Variants in CAMKK2 observed in about 807,000 individuals in gnomAD.
The protein encoded by CAMKK2 is calcium/calmodulin dependent protein kinase kinase 2, also known as calcium/calmodulin-dependent protein kinase kinase 2.
CAMKK2 carries 30 observed loss-of-function variants against 67.2 expected under a neutral mutation model. The ratio of observed to expected loss-of-function variants is 0.45; its 90% CI spans 0.33 to 0.61. The LOEUF (loss-of-function observed/expected upper bound fraction) is 0.61. Among genes scored for constraint, CAMKK2 ranks in the 20% least tolerant of loss-of-function variants. CAMKK2 has a pLI of 0.02. For missense variants in CAMKK2, 643 were observed against 802.0 expected, an observed-to-expected ratio of 0.80 and a Z score of 2.39; for synonymous variants, 322 against 326.2, an observed-to-expected ratio of 0.99 and a Z score of 0.14.
intron 11 of CAMKK2, among the ~76,000 whole-genome samples, chr12:121,252,354 C>T (rs887562587): frequency 4.6e-5 from 7 of 152,210 alleles, no homozygotes; most frequent in Non-Finnish European, 5.9e-5. Flanking sequence ...CTGCAAGCTC[C>T]GCCTCCTGGG....
At chr12:121,241,227 C>T (rs1888308352) in intron 16 of CAMKK2, among the ~76,000 whole-genome samples, 1 of 152,206 alleles carries the variant, frequency 6.6e-6, no homozygotes, top group Non-Finnish European at 1.5e-5. Flanking sequence ...TTAGGTACTT[C>T]GATCCCCCAC....
chr12:121,268,083 C>CATATATATATAT (rs71850101), intron 5 of CAMKK2, among the ~76,000 whole-genome samples: 973 of 96,972 alleles, frequency 0.01, 69 homozygotes, highest in African/African-American at 0.02. Flanking sequence ...CCATTGGATG[C>CATATATATATAT]ATATATATAT....
intron 11 of CAMKK2, among the ~76,000 whole-genome samples, chr12:121,251,458 A>T (rs561972526): frequency 3.9e-5 from 6 of 152,318 alleles, no homozygotes; most frequent in African/African-American, 1.4e-4. Context: ...TTCCTCAATA[A>T]GAACACAAGC....
rs187382968 is a variant in CAMKK2 at position 121,269,686 on chromosome 12, G to A, written c.520-105C>T. On this transcript the variant is annotated intron_variant, in intron 3 of 16. Transcript: ENST00000404169. Reference sequence around the variant, plus strand: ...AACCGGCAGCCCATTGGTCAAATCTGTCCCGCAACTGTATTTTGTTGGAGC... The same window carrying A: ...AACCGGCAGCCCATTGGTCAAATCTATCCCGCAACTGTATTTTGTTGGAGC... The A allele has an allele frequency of 7.6e-5, 62 of 819,754 alleles. No homozygotes were observed. The African/African-American group carries it at 1.0e-3, about 14-fold the overall frequency. 50.8% of individuals were successfully genotyped at this position (819,754 alleles called of 1,614,324 possible).
rs1029358579 is a variant in CAMKK2 at position 121,296,435 on chromosome 12, G to A, written c.-60+203C>T. Reference sequence around the variant, plus strand: ...GGGCGCCCAGAGGACGCGGGGGAAGGGCTGTCGGGGACCGTGTCCCTCCAC... The same window carrying A: ...GGGCGCCCAGAGGACGCGGGGGAAGAGCTGTCGGGGACCGTGTCCCTCCAC... On this transcript the variant is annotated intron_variant, in intron 1 of 16. Transcript: ENST00000404169. This position sits in a 1 kb window ranked among gnomAD's most constrained non-coding sequence, Gnocchi z 7.1. 5.9e-5 allele frequency among the ~76,000 whole-genome samples: 9 copies of A among 152,168 alleles called. No individual in the cohort carries two copies. Among genetic ancestry groups the A allele is most frequent in the Admixed American group, 2.0e-4 (3 of 15,294 alleles).
chr12:121,274,256 G>T lies in CAMKK2; in HGVS notation c.271C>A (p.Arg91=). The T allele has an allele frequency of 6.2e-7, 1 of 1,611,018 alleles. No homozygotes were observed. The highest frequency in any genetic ancestry group is 8.5e-7 in the Non-Finnish European group (1 of 1,178,224). Residue 91 remains arginine, a synonymous_variant, in exon 2 of 17, where the codon CGG becomes AGG. Coordinates refer to ENST00000404169, the MANE Select transcript of CAMKK2 (RefSeq NM_001270485.2). The part of the protein sequence containing the change: ...VPLDTSGSQA[R]PHLSGRKLSL... Reference sequence around the variant, plus strand: ...AGCTTGCGACCGGAGAGGTGGGGCCGGGCCTGGGACCCGGAGGTGTCAAGG... The same window carrying T: ...AGCTTGCGACCGGAGAGGTGGGGCCTGGCCTGGGACCCGGAGGTGTCAAGG...
intron 4 of CAMKK2, 40 bp downstream of exon 4, chr12:121,269,488 G>A: frequency 1.3e-6 from 2 of 1,498,806 alleles, no homozygotes; most frequent in Non-Finnish European, 9.2e-7. Context: ...GCTCTTCTGT[G>A]GATAAGGATG....
In CAMKK2 at chr12:121,244,585, C is replaced by T. The variant is rs755870492; in HGVS notation, c.1584G>A (p.Leu528=). The change falls in exon 16 of 17, where the codon CTG becomes CTA. Residue 528 remains leucine (L), a synonymous_variant. Coordinates refer to ENST00000404169, the MANE Select transcript of CAMKK2 (RefSeq NM_001270485.2). The part of the protein sequence containing the change: ...TKKPTRECES[L]SELKEARQRR... ...AGGCGGGCGTTACCTTGAGCTCAGA[C>T]AGGGACTCACATTCCCTGGTTGGTT... The T allele has an allele frequency of 2.6e-6, 4 of 1,562,884 alleles. No homozygotes were observed. In the South Asian group the frequency reaches 3.5e-5, roughly 14 times the overall value.
Position 121,239,052 on chromosome 12 carries a change from C to A in CAMKK2, c.*1647G>T, listed in dbSNP as rs1318098972. 1 of 152,298 alleles carries A rather than the reference C, an allele frequency of 6.6e-6. No individual in the cohort carries two copies. The highest frequency in any genetic ancestry group is 1.5e-5 in the Non-Finnish European group (1 of 68,060). 9.4% of individuals were successfully genotyped at this position (152,298 alleles called of 1,614,324 possible). A position where few individuals can be genotyped will look rare whatever the true frequency, so the allele number is the denominator to read the frequency against. On this transcript the variant is annotated 3_prime_UTR_variant, in exon 17 of 17. Coordinates refer to ENST00000404169, the MANE Select transcript of CAMKK2 (RefSeq NM_001270485.2). ...CTGCTTATAAGATAGCAAAACAAGTCTGGCTAAACTACAGTCAAGAGCTTA... is the reference window on the plus strand; with the variant it reads ...CTGCTTATAAGATAGCAAAACAAGTATGGCTAAACTACAGTCAAGAGCTTA...
At chr12:121,275,354 T>A (rs1248811144) in intron 1 of CAMKK2, among the ~76,000 whole-genome samples, 1 of 151,702 alleles carries the variant, frequency 6.6e-6, no homozygotes. Flanking sequence ...CATGGTGGCG[T>A]GTGCCTGTAA....
Position 121,238,810 on chromosome 12 carries a change from AC to A in CAMKK2, c.*1888del, listed in dbSNP as rs1384304273. 6.5e-6 allele frequency: 1 copy of A among 152,674 alleles called. No homozygotes were observed. The highest frequency in any genetic ancestry group is 1.5e-5 in the Non-Finnish European group (1 of 68,092). The allele number at this position is 152,674 out of a possible 1,614,324, so 9.5% of individuals were successfully genotyped here. The stretch of plus-strand genomic sequence containing the variant: ...AAGCAGGCTGGGCCTAAGACTAGGG[AC>A]CCGCTGGCTTTAACCTCTGCAAGGT... On this transcript the variant is annotated 3_prime_UTR_variant, in exon 17 of 17. Transcript: ENST00000404169.
rs1461089066 is a variant in CAMKK2, at chr12:121,240,114, C to G, written c.*585G>C. The G allele has an allele frequency of 6.8e-6, 2 of 292,096 alleles. No individual in the cohort carries two copies. Among genetic ancestry groups the G allele is most frequent in the African/African-American group, 4.4e-5 (2 of 45,652 alleles). The allele number at this position is 292,096 out of a possible 1,614,324, so 18.1% of individuals were successfully genotyped here. On this transcript the variant is annotated 3_prime_UTR_variant, in exon 17 of 17. Coordinates refer to ENST00000404169, the MANE Select transcript of CAMKK2 (RefSeq NM_001270485.2). This position sits in a 1 kb window ranked among gnomAD's most constrained non-coding sequence, Gnocchi z 4.4. Reference sequence around the variant, plus strand: ...TCTGTTTTCCTGACTACAATTCTACCCATAAAAAATTTAAAAATCCTTCTT... The same window carrying G: ...TCTGTTTTCCTGACTACAATTCTACGCATAAAAAATTTAAAAATCCTTCTT...
chr12:121,260,527 G>A, intron 6 of CAMKK2, 172 bp from the exon 7 acceptor site: 1 of 638,568 alleles, frequency 1.6e-6, no homozygotes, highest in Admixed American at 2.8e-5. Flanking sequence ...CCCCCAGAGT[G>A]TGAGATCCTA....
intron 1 of CAMKK2, among the ~76,000 whole-genome samples, chr12:121,290,795 T>A (rs545107645): frequency 8.9e-4 from 135 of 152,146 alleles, no homozygotes; most frequent in Non-Finnish European, 1.6e-3. Flanking sequence ...CAGGAGGCAA[T>A]GGGTTTGTTT....
At position 121,245,246 on chromosome 12, in the gene CAMKK2, G is replaced by A. The variant is rs1368201066; in HGVS notation, c.1453-6C>T. ...ATCATGGTCTTCACCAGGATCTGAA[G>A]AGGGAGAAAAGAGGAGGTGGCAGGC... On this transcript the variant is annotated splice_region_variant and splice_polypyrimidine_tract_variant and intron_variant, in intron 14 of 16. Coordinates refer to ENST00000404169, the MANE Select transcript of CAMKK2 (RefSeq NM_001270485.2). The surrounding 1 kb of genome is among the most constrained non-coding windows in gnomAD (Gnocchi z 5.8). 1 of 1,587,776 alleles carries A rather than the reference G, an allele frequency of 6.3e-7. No individual in the cohort carries two copies. Among genetic ancestry groups the A allele is most frequent in the Non-Finnish European group, 8.6e-7 (1 of 1,162,508 alleles).
intron 7 of CAMKK2, among the ~76,000 whole-genome samples, chr12:121,257,675 C>T (rs1003243928): frequency 6.6e-6 from 1 of 152,146 alleles, no homozygotes; most frequent in Non-Finnish European, 1.5e-5. Flanking sequence ...CAGGCCTTCC[C>T]CATCTTCAGT....
At chr12:121,276,476 A>C (rs574700471) in intron 1 of CAMKK2, among the ~76,000 whole-genome samples, 1 of 152,320 alleles carries the variant, frequency 6.6e-6, no homozygotes, top group Non-Finnish European at 1.5e-5. Flanking sequence ...ATCTCAAAAA[A>C]TAAAAATAAA....
At position 121,245,070 on chromosome 12, in the gene CAMKK2, TG is replaced by T; in HGVS notation, c.1553+69del. ...CAGGGAGGACCTGTGCAGAGTGGTC[TG>T]GGCAGGGCTGCCCCAAGCCTAGCCT... On this transcript the variant is annotated intron_variant, in intron 15 of 16. Transcript: ENST00000404169. The surrounding 1 kb of genome is among the most constrained non-coding windows in gnomAD (Gnocchi z 5.8). 1.8e-6 allele frequency: 2 copies of T among 1,084,804 alleles called. No homozygotes were observed. Among genetic ancestry groups the T allele is most frequent in the Non-Finnish European group, 2.8e-6 (2 of 724,234 alleles). The allele number at this position is 1,084,804 out of a possible 1,614,324, so 67.2% of individuals were successfully genotyped here. A position where few individuals can be genotyped will look rare whatever the true frequency, so the allele number is the denominator to read the frequency against.
chr12:121,274,528 G>A lies in CAMKK2; in HGVS notation c.-2C>T. On this transcript the variant is annotated 5_prime_UTR_variant, in exon 2 of 17. Transcript: ENST00000404169. ...CTGGCTAGAGACACATGATGACATGGTGCATGCGCCAGCTTCATCCAGCAC... is the reference window on the plus strand; with the variant it reads ...CTGGCTAGAGACACATGATGACATGATGCATGCGCCAGCTTCATCCAGCAC... 1.2e-6 allele frequency: 2 copies of A among 1,604,570 alleles called. No homozygotes were observed. Among genetic ancestry groups the A allele is most frequent in the South Asian group, 1.1e-5 (1 of 90,654 alleles).
Sources: gnomAD v4.1 joint callset for allele counts (sites outside exome capture counted in the v4.1 genomes callset) on GRCh38, gnomAD v4.1.1 for gene constraint, Gnocchi (gnomAD v3.1) non-coding constraint, MANE v1.5 for transcripts, NCBI Gene and HGNC (gene_info 2026-07-23, HGNC 2026-07-21) for gene names.